TRIQK: variants seen among roughly 807,000 people sequenced by gnomAD.
TRIQK encodes triple QxxK/R motif-containing protein.
In TRIQK, 10 loss-of-function variants were observed where a neutral mutation model predicts 10.8. That is an observed-to-expected ratio of 0.92 (90% CI 0.57 to 1.57). The LOEUF is 1.57. TRIQK is among the 40% of genes most tolerant of loss of function. The pLI, the probability that TRIQK is intolerant of heterozygous loss-of-function variation, is 0.00. For missense variants in TRIQK, 107 were observed against 97.7 expected (o/e 1.09, Z -0.40); for synonymous variants, 33 against 33.7 (o/e 0.98, Z 0.07).
intron 1 of TRIQK, among the ~76,000 whole-genome samples, chr8:92,958,494 A>C (rs1322012831): frequency 6.6e-6 from 1 of 151,958 alleles, no homozygotes; most frequent in Non-Finnish European, 1.5e-5. Flanking sequence ...TATAATATTG[A>C]GATATTACCT....
At chr8:92,986,295 A>G (rs1452873413) in intron 1 of TRIQK, among the ~76,000 whole-genome samples, 1 of 152,088 alleles carries the variant, frequency 6.6e-6, no homozygotes, top group Admixed American at 6.5e-5. Context: ...ATCTTGTTTC[A>G]TATTGTTTTG....
intron 1 of TRIQK, among the ~76,000 whole-genome samples, chr8:92,958,984 C>A (rs1387630305): frequency 6.6e-6 from 1 of 151,966 alleles, no homozygotes; most frequent in East Asian, 1.9e-4. Context: ...TGATTGTTTT[C>A]TAATAAAACT....
chr8:92,945,223 A>G (rs1811469416), intron 2 of TRIQK, among the ~76,000 whole-genome samples: 1 of 151,998 alleles, frequency 6.6e-6, no homozygotes, highest in Non-Finnish European at 1.5e-5. Flanking sequence ...CCTTCAACTC[A>G]TTTTCCAGTA....
At chr8:92,894,223 G>A (rs932704049) in intron 3 of TRIQK, among the ~76,000 whole-genome samples, 12 of 152,046 alleles carry the variant, frequency 7.9e-5, no homozygotes, top group Non-Finnish European at 2.9e-5. Flanking sequence ...TGTCGACTAT[G>A]ATATCCAAAA....
chr8:92,923,833 T>C (rs991576790), intron 2 of TRIQK, among the ~76,000 whole-genome samples: 3 of 151,952 alleles, frequency 2.0e-5, no homozygotes, highest in Admixed American at 2.0e-4. Context: ...AAAGTAGTAT[T>C]ATATTCAATC....
At chr8:92,901,332 A>G (rs1435481353) in intron 3 of TRIQK, among the ~76,000 whole-genome samples, 1 of 152,152 alleles carries the variant, frequency 6.6e-6, no homozygotes, top group Non-Finnish European at 1.5e-5. Flanking sequence ...CAGATCTTAG[A>G]GAAAGGGCTT....
intron 3 of TRIQK, among the ~76,000 whole-genome samples, chr8:92,903,921 T>C (rs1809099248): frequency 6.6e-6 from 1 of 152,008 alleles, no homozygotes; most frequent in Non-Finnish European, 1.5e-5. Flanking sequence ...AAGAATACAG[T>C]TGGCAATGGG....
intron 1 of TRIQK, among the ~76,000 whole-genome samples, chr8:93,006,322 A>G (rs568241191): frequency 6.6e-6 from 1 of 152,306 alleles, no homozygotes; most frequent in East Asian, 1.9e-4. Context: ...GGAAAAGCTG[A>G]GTGGTGAGAC....
chr8:92,972,458 A>G (rs1024655636), intron 1 of TRIQK: 1 of 152,092 alleles, frequency 6.6e-6, no homozygotes, highest in Admixed American at 6.6e-5. Context: ...AGAGGTAACA[A>G]TCTATATTGT....
chr8:93,005,323 C>T (rs1174493771), intron 1 of TRIQK, among the ~76,000 whole-genome samples: 1 of 152,270 alleles, frequency 6.6e-6, no homozygotes. Context: ...TTTCAAACAA[C>T]CAGAGCTCAT....
upstream of TRIQK, among the ~76,000 whole-genome samples, chr8:92,968,859 G>A (rs1812845505): frequency 6.6e-6 from 1 of 152,042 alleles, no homozygotes; most frequent in East Asian, 1.9e-4. Flanking sequence ...TGGAATTTTA[G>A]TTATAAGTCT....
chr8:92,964,603 A>G (rs555242137), intron 1 of TRIQK, among the ~76,000 whole-genome samples: 19 of 142,372 alleles, frequency 1.3e-4, no homozygotes, highest in Admixed American at 1.3e-3. Context: ...AAATAACCCT[A>G]AGATTAAAAA....
chr8:92,949,946 C>T (rs1326667699), intron 2 of TRIQK, among the ~76,000 whole-genome samples: 1 of 151,774 alleles, frequency 6.6e-6, no homozygotes, highest in East Asian at 1.9e-4. Flanking sequence ...CGTTTTTGAG[C>T]TCCATTTATT....
intron 3 of TRIQK, among the ~76,000 whole-genome samples, chr8:92,894,301 T>C (rs564505552): frequency 2.6e-5 from 4 of 152,284 alleles, no homozygotes; most frequent in African/African-American, 9.6e-5. Flanking sequence ...TGGTAGGTTC[T>C]TTATAACTAA....
intron 3 of TRIQK, among the ~76,000 whole-genome samples, chr8:92,915,083 G>T (rs1809756407): frequency 6.6e-6 from 1 of 152,136 alleles, no homozygotes; most frequent in Admixed American, 6.5e-5. Flanking sequence ...AGGACATTAT[G>T]CTAAGTGAAG....
intron 2 of TRIQK, chr8:92,953,293 C>T (rs1373794964): frequency 6.6e-6 from 1 of 151,976 alleles, no homozygotes; most frequent in Non-Finnish European, 1.5e-5. Flanking sequence ...CATATGTTCA[C>T]TCATCAAGGG....
chr8:92,979,800 C>T lies in TRIQK; in HGVS notation c.-180-25236G>A, dbSNP rs183690924. ...CTTGCATATTCATCTTGTATTTTCC[C>T]ATTCAACTTACTTTAATTTCTTAGT... On this transcript the variant is annotated intron_variant, in intron 1 of 4. Transcript: ENST00000520686. Among the ~76,000 whole-genome samples, 6 of 152,144 alleles carry T rather than the reference C, an allele frequency of 3.9e-5. No individual in the cohort carries two copies. In the East Asian group the frequency reaches 1.2e-3, roughly 29 times the overall value.
chr8:93,001,237 G>GTAGAGC (rs1813207899), intron 1 of TRIQK, among the ~76,000 whole-genome samples: 1 of 151,166 alleles, frequency 6.6e-6, no homozygotes, highest in Non-Finnish European at 1.5e-5. Flanking sequence ...AACCCAGGAG[G>GTAGAGC]TAGAGCTTGC....
rs116930549 is a variant in TRIQK, at chr8:92,937,242, A to T, written c.-22+17164T>A. 8.2e-3 allele frequency among the ~76,000 whole-genome samples: 1,159 copies of T among 142,140 alleles called. 9 individuals are homozygous for T. The highest frequency in any genetic ancestry group is 0.012 in the Non-Finnish European group (823 of 66,140). The allele number at this position is 142,140 out of a possible 152,430, so 93.2% of individuals were successfully genotyped here. Reference sequence around the variant, plus strand: ...CATGTATTTATACACTTACAAAACAACTTAAAACATGAAAAATCAATAGTC... The same window carrying T: ...CATGTATTTATACACTTACAAAACATCTTAAAACATGAAAAATCAATAGTC... On this transcript the variant is annotated intron_variant, in intron 2 of 4. Coordinates refer to ENST00000521988, the MANE Select transcript of TRIQK (RefSeq NM_001171797.2).
Sources: allele counts gnomAD v4.1 joint callset (sites outside exome capture counted in the v4.1 genomes callset), GRCh38; gene constraint gnomAD v4.1.1; transcripts MANE v1.5; gene names NCBI Gene and HGNC (gene_info 2026-07-23, HGNC 2026-07-21).